Variants in SIPA1L1 observed in about 807,000 individuals in gnomAD.
SIPA1L1 encodes the protein signal-induced proliferation-associated 1-like protein 1.
A neutral mutation model predicts 162.7 loss-of-function variants in SIPA1L1; 26 were observed. The ratio of observed to expected loss-of-function variants is 0.16; its 90% CI spans 0.12 to 0.22. The LOEUF is 0.22. Among genes scored for constraint, SIPA1L1 ranks in the 10% least tolerant of loss-of-function variants. The pLI, the probability that SIPA1L1 is intolerant of heterozygous loss-of-function variation, is 1.00. For missense variants in SIPA1L1, 1,874 were observed against 2,241.0 expected, an observed-to-expected ratio of 0.84 and a Z score of 3.31; for synonymous variants, 829 against 837.4, an observed-to-expected ratio of 0.99 and a Z score of 0.17.
intron 2 of SIPA1L1, among the ~76,000 whole-genome samples, chr14:71,483,437 T>G (rs1462449100): frequency 6.6e-6 from 1 of 152,214 alleles, no homozygotes; most frequent in Non-Finnish European, 1.5e-5. Flanking sequence ...CATGCATTCA[T>G]GTGAGACTTC....
chr14:71,480,089 G>GA (rs2048224043), intron 2 of SIPA1L1, among the ~76,000 whole-genome samples: 1 of 143,266 alleles, frequency 7.0e-6, no homozygotes, highest in Non-Finnish European at 1.5e-5. Flanking sequence ...TTTGTTTTTT[G>GA]TTTTTTTTTT....
At chr14:71,570,919 C>T (rs2031867396) in intron 4 of SIPA1L1, among the ~76,000 whole-genome samples, 1 of 151,990 alleles carries the variant, frequency 6.6e-6, no homozygotes, top group African/African-American at 2.4e-5. Context: ...ACCTGTAATC[C>T]CAAGTAGCTG....
intron 17 of SIPA1L1, among the ~76,000 whole-genome samples, chr14:71,720,137 G>A (rs1381295304): frequency 6.6e-6 from 1 of 151,990 alleles, no homozygotes; most frequent in African/African-American, 2.4e-5. Flanking sequence ...TATTTGGGTG[G>A]GATCTTTTTG....
chr14:71,552,519 G>A (rs1383980796), intron 4 of SIPA1L1, among the ~76,000 whole-genome samples: 1 of 151,572 alleles, frequency 6.6e-6, no homozygotes, highest in Non-Finnish European at 1.5e-5. Context: ...AGCCTCCCGA[G>A]TAGCTGGGAC....
chr14:71,329,475 C>T (rs938987711), intron 2 of SIPA1L1, among the ~76,000 whole-genome samples: 8 of 150,242 alleles, frequency 5.3e-5, no homozygotes, highest in Non-Finnish European at 7.4e-5. Context: ...GGGTCTCCCT[C>T]TGCCACTCAG....
intron 7 of SIPA1L1, among the ~76,000 whole-genome samples, chr14:71,634,035 A>G (rs2040860060): frequency 6.6e-6 from 1 of 152,162 alleles, no homozygotes; most frequent in East Asian, 1.9e-4. Context: ...ACATCATAGT[A>G]AAATTTTTGA....
chr14:71,364,200 A>C (rs1362110041), intron 2 of SIPA1L1, among the ~76,000 whole-genome samples: 1 of 152,180 alleles, frequency 6.6e-6, no homozygotes, highest in Non-Finnish European at 1.5e-5. Flanking sequence ...CAAACACTGT[A>C]CTCTTAACGG....
chr14:71,336,837 T>C (rs1032630438), intron 2 of SIPA1L1, among the ~76,000 whole-genome samples: 9 of 152,234 alleles, frequency 5.9e-5, no homozygotes, highest in Non-Finnish European at 8.8e-5. Context: ...CTTCCCTTTC[T>C]TTTACTTTTG....
In SIPA1L1 at chr14:71,698,983, T is replaced by C. The variant is rs1246912575; in HGVS notation, c.3377T>C (p.Leu1126Pro). The change falls in exon 14 of 24, where the codon CTG (leucine) becomes CCG (proline). Residue 1126 changes from leucine to proline, a missense_variant and splice_region_variant. By Grantham distance (98) the Leu-to-Pro change is moderately conservative. Transcript: ENST00000381232. ...SSDGRPLERR[L>P]SPGSDIYVTV... is the part of the protein sequence containing the mutation. ...ATGTTTTTGTATTGCACATGCAGGC[T>C]GTCTCCTGGTTCGGACATCTATGTG... 2.5e-6 allele frequency: 4 copies of C among 1,614,230 alleles called. No individual in the cohort carries two copies. The highest frequency in any genetic ancestry group is 2.7e-5 in the African/African-American group (2 of 75,070).
At chr14:71,524,649 A>G (rs1054025839) in intron 3 of SIPA1L1, among the ~76,000 whole-genome samples, 2 of 152,116 alleles carry the variant, frequency 1.3e-5, no homozygotes, top group Non-Finnish European at 1.5e-5. Context: ...AGGTCTCACT[A>G]TGTTGCCAAG....
At chr14:71,332,657 C>G (rs1054317641) in intron 2 of SIPA1L1, among the ~76,000 whole-genome samples, 1 of 152,142 alleles carries the variant, frequency 6.6e-6, no homozygotes, top group African/African-American at 2.4e-5. Flanking sequence ...CCAAAAGAAT[C>G]TGGAAAGCTA....
intron 4 of SIPA1L1, among the ~76,000 whole-genome samples, chr14:71,547,007 C>T (rs1180691378): frequency 6.6e-6 from 1 of 151,980 alleles, no homozygotes; most frequent in African/African-American, 2.4e-5. Context: ...CCACAATTTC[C>T]AAATCTAGCC....
chr14:71,512,572 C>A (rs376012945), intron 2 of SIPA1L1, among the ~76,000 whole-genome samples, 171 bp from the exon 3 acceptor site: 2 of 134,380 alleles, frequency 1.5e-5, no homozygotes, highest in African/African-American at 5.7e-5. Flanking sequence ...GGCGACAGAG[C>A]GAGACTCTGT....
intron 2 of SIPA1L1, among the ~76,000 whole-genome samples, chr14:71,442,197 AAAG>A (rs1567028631): frequency 1.3e-5 from 2 of 150,248 alleles, no homozygotes; most frequent in Admixed American, 6.6e-5. Flanking sequence ...AAAAAAAAAA[AAAG>A]AAGTAACTTA....
chr14:71,353,184 G>A (rs376523036), intron 2 of SIPA1L1, among the ~76,000 whole-genome samples: 3 of 152,210 alleles, frequency 2.0e-5, no homozygotes, highest in African/African-American at 7.2e-5. Context: ...CATTGTATAT[G>A]TGTATTGCAC....
intron 9 of SIPA1L1, 96 bp downstream of exon 9, chr14:71,658,532 T>C: frequency 1.3e-6 from 1 of 783,034 alleles, no homozygotes; most frequent in South Asian, 1.5e-5. Context: ...CAGAATTTAG[T>C]GTTGCACCTG....
chr14:71,704,365 C>T lies in SIPA1L1; in HGVS notation c.3647-857C>T, dbSNP rs150181770. On this transcript the variant is annotated intron_variant, in intron 15 of 23. Transcript: ENST00000381232. ...GACTTGCACTGATTGAGAATGTTTACGAGGTTCTTATTGGTTAGGCATCAG... is the reference window on the plus strand; with the variant it reads ...GACTTGCACTGATTGAGAATGTTTATGAGGTTCTTATTGGTTAGGCATCAG... Among the ~76,000 whole-genome samples the T allele has an allele frequency of 4.6e-4, 70 of 152,252 alleles. 1 individual carries two copies. The East Asian group carries it at 0.013, about 29-fold the overall frequency.
rs976223454 is a variant in SIPA1L1, at chr14:71,377,712, C to T, written c.-465+56531C>T. On this transcript the variant is annotated intron_variant, in intron 2 of 23. Transcript: ENST00000381232. The surrounding 1 kb of genome is among the most constrained non-coding windows in gnomAD (Gnocchi z 4.8). ...ATTGAGCACTGAGTGAGTGAGACTC[C>T]GTCTGCAATCCTGGCACCTCGGGAG... Among the ~76,000 whole-genome samples, 1 of 152,192 alleles carries T rather than the reference C, an allele frequency of 6.6e-6. No individual in the cohort carries two copies. The highest frequency in any genetic ancestry group is 1.5e-5 in the Non-Finnish European group (1 of 68,048).
At chr14:71,486,072 T>G (rs1268559998) in intron 2 of SIPA1L1, among the ~76,000 whole-genome samples, 1 of 152,200 alleles carries the variant, frequency 6.6e-6, no homozygotes, top group African/African-American at 2.4e-5. Context: ...TTATTTTGAT[T>G]TAAAAAGATG....
Sources: allele counts gnomAD v4.1 joint callset (sites outside exome capture counted in the v4.1 genomes callset), GRCh38; gene constraint gnomAD v4.1.1; non-coding constraint Gnocchi (gnomAD v3.1); transcripts MANE v1.5; gene names NCBI Gene and HGNC (gene_info 2026-07-23, HGNC 2026-07-21).